The following ZNF521 variants were observed in gnomAD, a reference collection of about 807,000 sequenced individuals.
The protein encoded by ZNF521 is zinc finger protein 521.
ZNF521 carries 14 observed loss-of-function variants against 105.5 expected under a neutral mutation model. The observed-to-expected ratio is 0.13, with a 90% CI of 0.09 to 0.21. ZNF521 has a LOEUF of 0.21. Among genes scored for constraint, ZNF521 ranks in the 10% least tolerant of loss-of-function variants. The pLI is 1.00. For synonymous variants in ZNF521, 635 were observed against 606.0 expected, an observed-to-expected ratio of 1.05 and a Z score of -0.70; for missense variants, 1,233 against 1,629.7, an observed-to-expected ratio of 0.76 and a Z score of 4.19.
intron 5 of ZNF521, among the ~76,000 whole-genome samples, chr18:25,117,273 G>A (rs1045812311): frequency 1.1e-4 from 16 of 151,708 alleles, no homozygotes; most frequent in South Asian, 6.3e-4. Context: ...TTTGAGCTGC[G>A]GTCCAAATGA....
At chr18:25,134,695 G>A (rs534386586) in intron 5 of ZNF521, among the ~76,000 whole-genome samples, 9 of 152,112 alleles carry the variant, frequency 5.9e-5, no homozygotes, top group Non-Finnish European at 1.2e-4. Flanking sequence ...ACATCTCTGA[G>A]ATAAAAGGCT....
chr18:25,318,075 T>C (rs1008355903), intron 3 of ZNF521, among the ~76,000 whole-genome samples: 3 of 152,082 alleles, frequency 2.0e-5, no homozygotes, highest in African/African-American at 7.2e-5. Flanking sequence ...AAGTATCCAC[T>C]AACAAGAGAA....
chr18:25,109,702 T>C (rs2034145784), intron 5 of ZNF521, among the ~76,000 whole-genome samples: 1 of 152,210 alleles, frequency 6.6e-6, no homozygotes, highest in Non-Finnish European at 1.5e-5. Flanking sequence ...TGATGATTAG[T>C]GATGTTGAGC....
chr18:25,245,453 T>C (rs1334654078), intron 3 of ZNF521, among the ~76,000 whole-genome samples: 1 of 152,222 alleles, frequency 6.6e-6, no homozygotes, highest in Non-Finnish European at 1.5e-5. Flanking sequence ...ATATGCTTTT[T>C]AGTCTAAGCT....
chr18:25,163,979 G>C (rs921198219), intron 5 of ZNF521, among the ~76,000 whole-genome samples: 1 of 152,176 alleles, frequency 6.6e-6, no homozygotes, highest in South Asian at 2.1e-4. Context: ...AGGACAGATC[G>C]AAATGTAATG....
intron 3 of ZNF521, among the ~76,000 whole-genome samples, chr18:25,316,703 G>A (rs1449940758): frequency 2.0e-5 from 3 of 150,778 alleles, no homozygotes; most frequent in African/African-American, 7.4e-5. Flanking sequence ...CCTTTTTTTC[G>A]CTTCCTCCTT....
chr18:25,337,836 A>G (rs1913975275), intron 2 of ZNF521, among the ~76,000 whole-genome samples: 1 of 152,184 alleles, frequency 6.6e-6, no homozygotes, highest in South Asian at 2.1e-4. Context: ...TAAGTAACTA[A>G]AAAGAAACAC....
chr18:25,199,063 A>G (rs2035948659), intron 4 of ZNF521, among the ~76,000 whole-genome samples: 1 of 151,966 alleles, frequency 6.6e-6, no homozygotes, highest in African/African-American at 2.4e-5. Flanking sequence ...ATAGTATCTT[A>G]TCTAAAATGT....
chr18:25,322,253 T>C, intron 2 of ZNF521, 66 bp from the exon 3 acceptor site: 2 of 1,506,160 alleles, frequency 1.3e-6, no homozygotes, highest in South Asian at 1.1e-5. Context: ...ACATTTAATC[T>C]TCTTGCTACC....
intron 5 of ZNF521, among the ~76,000 whole-genome samples, chr18:25,191,207 A>T (rs1355099384): frequency 6.6e-6 from 1 of 152,128 alleles, no homozygotes; most frequent in Non-Finnish European, 1.5e-5. Flanking sequence ...ATATTAAGTA[A>T]CCATTTCTAA....
chr18:25,172,282 T>C (rs1476406792), intron 5 of ZNF521, among the ~76,000 whole-genome samples: 6 of 152,172 alleles, frequency 3.9e-5, no homozygotes, highest in Non-Finnish European at 8.8e-5. Flanking sequence ...CCCAGTATGC[T>C]GTACTTTCCA....
At chr18:25,148,750 G>A (rs1260695192) in intron 5 of ZNF521, among the ~76,000 whole-genome samples, 1 of 151,916 alleles carries the variant, frequency 6.6e-6, no homozygotes, top group East Asian at 1.9e-4. Flanking sequence ...AAAAAAAAAA[G>A]TCTTTTCACT....
intron 4 of ZNF521, among the ~76,000 whole-genome samples, chr18:25,198,929 T>A (rs1418586381): frequency 1.3e-5 from 2 of 151,954 alleles, no homozygotes; most frequent in African/African-American, 2.4e-5. Flanking sequence ...AAAAGATATA[T>A]CTTTACATTT....
intron 5 of ZNF521, among the ~76,000 whole-genome samples, chr18:25,095,988 G>A (rs2033844168): frequency 6.6e-6 from 1 of 152,168 alleles, no homozygotes; most frequent in Admixed American, 6.5e-5. Flanking sequence ...CATGCTGGAA[G>A]CCAGCAACTT....
chr18:25,165,912 A>G (rs1184087066), intron 5 of ZNF521, among the ~76,000 whole-genome samples: 1 of 152,210 alleles, frequency 6.6e-6, no homozygotes, highest in Non-Finnish European at 1.5e-5. Flanking sequence ...ATCAGGCAAC[A>G]CCATTTCATC....
At position 25,180,060 on chromosome 18, in the gene ZNF521, A is replaced by G. The variant is rs576427374; in HGVS notation, c.3658+15100T>C. On this transcript the variant is annotated intron_variant, in intron 5 of 7. Transcript: ENST00000361524. Reference sequence around the variant, plus strand: ...TAGTTCAAGGTACAGATTATGTAAAACAGACTTTTAGAGAAAGTTAAAAAA... The same window carrying G: ...TAGTTCAAGGTACAGATTATGTAAAGCAGACTTTTAGAGAAAGTTAAAAAA... Among the ~76,000 whole-genome samples, 4 of 152,356 alleles carry G rather than the reference A, an allele frequency of 2.6e-5. No homozygotes were observed. In the East Asian group the frequency reaches 5.8e-4, roughly 22 times the overall value.
chr18:25,199,050 A>C (rs2035948212), intron 4 of ZNF521, among the ~76,000 whole-genome samples: 1 of 151,976 alleles, frequency 6.6e-6, no homozygotes, highest in Non-Finnish European at 1.5e-5. Flanking sequence ...ATACATCACC[A>C]ATATAGTATC....
chr18:25,089,440 C>T (rs1310314713), intron 7 of ZNF521, 25 bp downstream of exon 7: 19 of 1,540,050 alleles, frequency 1.2e-5, no homozygotes, highest in East Asian at 9.0e-5. Flanking sequence ...GAGTTCAATC[C>T]CAGTCCTCCC....
At chr18:25,193,701 T>A (rs1202991470) in intron 5 of ZNF521, among the ~76,000 whole-genome samples, 1 of 152,048 alleles carries the variant, frequency 6.6e-6, no homozygotes, top group East Asian at 1.9e-4. Flanking sequence ...AACATTTGAA[T>A]CTCTCCTACA....
Sources: gnomAD v4.1 joint callset for allele counts (sites outside exome capture counted in the v4.1 genomes callset) on GRCh38, gnomAD v4.1.1 for gene constraint, MANE v1.5 for transcripts, NCBI Gene and HGNC (gene_info 2026-07-23, HGNC 2026-07-21) for gene names.